The following GLCE variants were observed in gnomAD, a reference collection of about 807,000 sequenced individuals.
GLCE encodes the protein glucuronic acid epimerase, also known as D-glucuronyl C5-epimerase.
A neutral mutation model predicts 47.9 loss-of-function variants in GLCE; 19 were observed. The ratio of observed to expected loss-of-function variants is 0.40; its 90% CI spans 0.28 to 0.58. GLCE has a LOEUF of 0.58. GLCE is among the 20% of genes least tolerant of loss of function. The pLI is 0.48. For synonymous variants in GLCE, 245 were observed against 263.4 expected (o/e 0.93, Z 0.68); for missense variants, 556 against 743.3 (o/e 0.75, Z 2.93).
chr15:69,242,047 G>C (rs978948925), intron 2 of GLCE, among the ~76,000 whole-genome samples: 19 of 152,132 alleles, frequency 1.2e-4, no homozygotes, highest in Admixed American at 6.5e-4. Flanking sequence ...CCATTTCATT[G>C]GATTGTTGCA....
chr15:69,222,830 A>T (rs1209976585), intron 2 of GLCE, among the ~76,000 whole-genome samples: 2 of 152,108 alleles, frequency 1.3e-5, no homozygotes, highest in African/African-American at 4.8e-5. Flanking sequence ...TTATAGTGAA[A>T]GGTTTAAAAT....
intron 3 of GLCE, 46 bp downstream of exon 3, chr15:69,256,438 T>G: frequency 7.9e-7 from 1 of 1,271,462 alleles, no homozygotes; most frequent in Non-Finnish European, 1.1e-6. Flanking sequence ...CATGATTGTG[T>G]TGAGGAATAA....
chr15:69,220,865 G>A lies in GLCE; in HGVS notation c.-14+10459G>A, dbSNP rs535607030. Among the ~76,000 whole-genome samples the A allele has an allele frequency of 1.0e-3, 152 of 152,136 alleles. 2 individuals carry two copies. The highest frequency in any genetic ancestry group is 3.6e-3 in the African/African-American group (148 of 41,500). On this transcript the variant is annotated intron_variant, in intron 2 of 4. Transcript: ENST00000261858. The stretch of plus-strand genomic sequence containing the variant: ...GGAAATCATTACTAAATCCAATATT[G>A]TGAAGCTTTTGCCCTGTTTTCTTCT...
intron 1 of GLCE, among the ~76,000 whole-genome samples, chr15:69,170,633 T>C (rs2051575464): frequency 6.6e-6 from 1 of 152,232 alleles, no homozygotes; most frequent in South Asian, 2.1e-4. Flanking sequence ...AAACCATTCA[T>C]TAAAATACTT....
chr15:69,200,562 A>T (rs569370353), intron 1 of GLCE, among the ~76,000 whole-genome samples: 1 of 152,308 alleles, frequency 6.6e-6, no homozygotes, highest in African/African-American at 2.4e-5. Context: ...TCTTTCTTTG[A>T]TAATGACAGA....
At chr15:69,209,848 C>A (rs928944280) in intron 1 of GLCE, among the ~76,000 whole-genome samples, 1 of 152,056 alleles carries the variant, frequency 6.6e-6, no homozygotes, top group Non-Finnish European at 1.5e-5. Flanking sequence ...CCTCTTGGGA[C>A]CACAGCTTCT....
At chr15:69,209,912 A>G (rs972260689) in intron 1 of GLCE, among the ~76,000 whole-genome samples, 3 of 152,104 alleles carry the variant, frequency 2.0e-5, no homozygotes, top group South Asian at 4.2e-4. Flanking sequence ...AGTAACCTCC[A>G]TTGCCACTGC....
intron 2 of GLCE, among the ~76,000 whole-genome samples, chr15:69,219,941 A>G (rs1459139637): frequency 6.6e-6 from 1 of 152,076 alleles, no homozygotes; most frequent in African/African-American, 2.4e-5. Context: ...ATGATTTTGA[A>G]TAAGTACCTC....
At chr15:69,235,093 C>CTTTTTTTTTTTTT (rs869212730) in intron 2 of GLCE, among the ~76,000 whole-genome samples, 7 of 62,882 alleles carry the variant, frequency 1.1e-4, no homozygotes, top group African/African-American at 3.0e-4. Flanking sequence ...GAAGATTATT[C>CTTTTTTTTTTTTT]TTTTTTTTTT....
At chr15:69,190,873 G>C (rs1175624619) in intron 1 of GLCE, among the ~76,000 whole-genome samples, 2 of 151,716 alleles carry the variant, frequency 1.3e-5, no homozygotes, top group African/African-American at 2.4e-5. Flanking sequence ...CATTCTTTTG[G>C]ATTGAGAAGT....
intron 2 of GLCE, among the ~76,000 whole-genome samples, chr15:69,214,651 A>G (rs935541104): frequency 1.1e-4 from 16 of 152,180 alleles, no homozygotes; most frequent in Admixed American, 7.2e-4. Flanking sequence ...ATTTGTGTTT[A>G]CTTTCTGTAT....
chr15:69,223,765 C>CT (rs368668761), intron 2 of GLCE, among the ~76,000 whole-genome samples: 59 of 149,526 alleles, frequency 3.9e-4, no homozygotes, highest in African/African-American at 9.8e-4. Flanking sequence ...TTTCTTCAGT[C>CT]TTTTTTTTTT....
At chr15:69,241,584 A>G (rs1566965985) in intron 2 of GLCE, among the ~76,000 whole-genome samples, 1 of 152,312 alleles carries the variant, frequency 6.6e-6, no homozygotes, top group Non-Finnish European at 1.5e-5. Flanking sequence ...ATTGCCTAAG[A>G]TAGTTCTGAG....
At chr15:69,174,818 A>G (rs2140333077) in intron 1 of GLCE, among the ~76,000 whole-genome samples, 1 of 152,286 alleles carries the variant, frequency 6.6e-6, no homozygotes, top group South Asian at 2.1e-4. Context: ...AAGCCCATCT[A>G]AAGTCTAATT....
chr15:69,193,928 C>T (rs1221846295), intron 1 of GLCE, among the ~76,000 whole-genome samples: 1 of 152,096 alleles, frequency 6.6e-6, no homozygotes, highest in Non-Finnish European at 1.5e-5. Flanking sequence ...ATTTAAACTT[C>T]TCTGACCATC....
intron 1 of GLCE, among the ~76,000 whole-genome samples, chr15:69,199,187 T>A (rs140470842): frequency 6.6e-6 from 1 of 152,142 alleles, no homozygotes; most frequent in Non-Finnish European, 1.5e-5. Flanking sequence ...ATAATGTTAA[T>A]GAAAAGTTCA....
At chr15:69,264,006 G>T (rs1328260778) in intron 4 of GLCE, among the ~76,000 whole-genome samples, 1 of 152,024 alleles carries the variant, frequency 6.6e-6, no homozygotes, top group Non-Finnish European at 1.5e-5. Context: ...TCTTTGTATG[G>T]TGTTGGTGGT....
At chr15:69,194,818 G>A (rs1053329869) in intron 1 of GLCE, among the ~76,000 whole-genome samples, 1 of 152,002 alleles carries the variant, frequency 6.6e-6, no homozygotes, top group South Asian at 2.1e-4. Context: ...AAAATAAGAA[G>A]AGTAGCATAT....
intron 2 of GLCE, among the ~76,000 whole-genome samples, chr15:69,215,539 G>GGGGTGTGT (rs113476074): frequency 6.7e-6 from 1 of 148,916 alleles, no homozygotes; most frequent in African/African-American, 2.5e-5. Flanking sequence ...TTACATAAAG[G>GGGGTGTGT]GTGTGTGTGT....
Sources: allele counts gnomAD v4.1 joint callset (sites outside exome capture counted in the v4.1 genomes callset), GRCh38; gene constraint gnomAD v4.1.1; transcripts MANE v1.5; gene names NCBI Gene and HGNC (gene_info 2026-07-23, HGNC 2026-07-21).